KCNU1: variants seen among roughly 807,000 people sequenced by gnomAD.
KCNU1 encodes potassium calcium-activated channel subfamily U member 1, also known as potassium channel subfamily U member 1.
KCNU1 carries 93 observed loss-of-function variants against 126.8 expected under a neutral mutation model. The observed-to-expected ratio is 0.73, with a 90% CI of 0.62 to 0.87. The LOEUF is 0.87. Among genes scored for constraint, KCNU1 ranks in the 40% least tolerant of loss-of-function variants. The pLI is 0.00. For missense variants in KCNU1, 1,330 were observed against 1,367.1 expected, an observed-to-expected ratio of 0.97 and a Z score of 0.43; for synonymous variants, 523 against 494.2, an observed-to-expected ratio of 1.06 and a Z score of -0.77.
rs527433618 is a variant in KCNU1, at chr8:36,921,499, T to G, written c.2597-991T>G. 1.4e-4 allele frequency among the ~76,000 whole-genome samples: 22 copies of G among 151,874 alleles called. No individual in the cohort carries two copies. The South Asian group carries it at 4.6e-3, about 32-fold the overall frequency. ...TTTGAGACCAGCCTGGCCAACATGG[T>G]GAAGCCCTATCTCTACTAAAAATAC... On this transcript the variant is annotated intron_variant, in intron 23 of 26. Transcript: ENST00000399881.
intron 10 of KCNU1, among the ~76,000 whole-genome samples, chr8:36,832,435 T>A (rs1804587920): frequency 6.6e-6 from 1 of 152,196 alleles, no homozygotes; most frequent in Non-Finnish European, 1.5e-5. Context: ...TTAGGCTTTT[T>A]ATTTTTTCTA....
chr8:36,856,190 G>A (rs1805522503), intron 18 of KCNU1, among the ~76,000 whole-genome samples: 1 of 152,016 alleles, frequency 6.6e-6, no homozygotes, highest in South Asian at 2.1e-4. Flanking sequence ...TCTTTAATCA[G>A]GATTTCCTTC....
intron 19 of KCNU1, among the ~76,000 whole-genome samples, chr8:36,893,959 G>A (rs943672828): frequency 2.6e-5 from 4 of 152,072 alleles, no homozygotes; most frequent in South Asian, 2.1e-4. Context: ...TTGCAGCAAC[G>A]CCTTCCTTCA....
intron 20 of KCNU1, among the ~76,000 whole-genome samples, chr8:36,906,247 G>T (rs1027047362): frequency 6.8e-6 from 1 of 147,740 alleles, no homozygotes; most frequent in Admixed American, 6.8e-5. Flanking sequence ...GGATTTTTCT[G>T]TAGTGGTTTT....
At chr8:36,835,914 T>G (rs1301889295) in intron 12 of KCNU1, among the ~76,000 whole-genome samples, 1 of 152,236 alleles carries the variant, frequency 6.6e-6, no homozygotes, top group Non-Finnish European at 1.5e-5. Context: ...ATGGGGAAGT[T>G]GAATTAGACA....
chr8:36,875,342 A>G (rs1012448421), intron 19 of KCNU1, among the ~76,000 whole-genome samples: 1 of 149,796 alleles, frequency 6.7e-6, no homozygotes, highest in Admixed American at 6.7e-5. Context: ...ACATACCAAT[A>G]CATACATACA....
rs139937005 is a variant in KCNU1 at position 36,842,637 on chromosome 8, C to T, written c.1703+1634C>T. On this transcript the variant is annotated intron_variant, in intron 16 of 26. Transcript: ENST00000399881. Reference sequence around the variant, plus strand: ...TAGTAACAAGTTTGTCTTTCAATCACCTGGCTTATATGTCAGAATTATTTG... The same window carrying T: ...TAGTAACAAGTTTGTCTTTCAATCATCTGGCTTATATGTCAGAATTATTTG... 5.2e-3 allele frequency among the ~76,000 whole-genome samples: 794 copies of T among 152,254 alleles called. 10 individuals are homozygous for T. The highest frequency in any genetic ancestry group is 0.018 in the African/African-American group (764 of 41,564).
chr8:36,850,639 T>A (rs891213943), intron 18 of KCNU1, among the ~76,000 whole-genome samples: 3 of 152,128 alleles, frequency 2.0e-5, no homozygotes, highest in Non-Finnish European at 4.4e-5. Flanking sequence ...GCATTTTTTG[T>A]AAAGATAGGG....
intron 1 of KCNU1, among the ~76,000 whole-genome samples, chr8:36,786,916 A>T (rs944728652): frequency 2.6e-5 from 4 of 152,204 alleles, no homozygotes; most frequent in African/African-American, 9.6e-5. Context: ...CAGCTAAAAA[A>T]TCAATTTGTA....
chr8:36,791,290 T>C (rs533068198), intron 2 of KCNU1, among the ~76,000 whole-genome samples: 2 of 152,304 alleles, frequency 1.3e-5, no homozygotes, highest in South Asian at 4.1e-4. Context: ...AATTATCTTA[T>C]TTCTTTTTGA....
At chr8:36,912,415 T>A (rs552474958) in intron 22 of KCNU1, among the ~76,000 whole-genome samples, 1 of 152,232 alleles carries the variant, frequency 6.6e-6, no homozygotes, top group South Asian at 2.1e-4. Flanking sequence ...GGTTTCAGGG[T>A]GTTTTCCAAA....
Position 36,806,284 on chromosome 8 carries a change from G to A in KCNU1, c.484G>A (p.Asp162Asn). 6.2e-7 allele frequency: 1 copy of A among 1,608,366 alleles called. No individual in the cohort carries two copies. Among genetic ancestry groups the A allele is most frequent in the Non-Finnish European group, 8.5e-7 (1 of 1,176,924 alleles). The change falls in exon 5 of 27, where the codon GAC (aspartate) becomes AAC (asparagine). Residue 162 changes from aspartate (D) to asparagine (N), a missense_variant. Asp to Asn is a conservative substitution (Grantham distance 23, BLOSUM62 1). Coordinates refer to ENST00000399881, the MANE Select transcript of KCNU1 (RefSeq NM_001031836.3). ...TATTTCATAGTTTATGGCAGCTGATGACAAGATCAAGTTCTGGCTGGAGAT... is the reference window on the plus strand; with the variant it reads ...TATTTCATAGTTTATGGCAGCTGATAACAAGATCAAGTTCTGGCTGGAGAT... ...YFGLRFMAAD[D>N]KIKFWLEMNS... is the part of the protein sequence containing the mutation.
intron 5 of KCNU1, 68 bp downstream of exon 5, chr8:36,806,448 G>C (rs1803506699): frequency 5.0e-6 from 4 of 794,332 alleles, no homozygotes; most frequent in Non-Finnish European, 8.1e-6. Context: ...TCATTTGTAA[G>C]TATCTATTTT....
intron 18 of KCNU1, among the ~76,000 whole-genome samples, chr8:36,853,237 C>T (rs1805414957): frequency 2.0e-5 from 3 of 152,150 alleles, no homozygotes; most frequent in Admixed American, 2.0e-4. Flanking sequence ...GTAGTCCCGG[C>T]TACTCGGGAG....
intron 18 of KCNU1, among the ~76,000 whole-genome samples, chr8:36,854,891 T>G (rs1378335496): frequency 6.6e-6 from 1 of 152,210 alleles, no homozygotes; most frequent in African/African-American, 2.4e-5. Context: ...AGTCTATCTC[T>G]CTGTCATTTG....
chr8:36,905,206 A>G (rs1455630755), intron 19 of KCNU1, among the ~76,000 whole-genome samples: 1 of 152,136 alleles, frequency 6.6e-6, no homozygotes, highest in Non-Finnish European at 1.5e-5. Context: ...GAAAGCTTTA[A>G]AGAATGCAAA....
chr8:36,909,344 A>G lies in KCNU1; in HGVS notation c.2140A>G (p.Asn714Asp), dbSNP rs1807770300. ...RTGKSKYKFR[N>D]HIVACVFGDA... ...TGGCAAGTCAAAGTATAAGTTTCGG[A>G]ACCATATTGTAGCATGTGTATTTGG... Residue 714 changes from asparagine (N) to aspartate (D), a missense_variant, in exon 21 of 27, where the codon AAC becomes GAC. This residue lies in a region of KCNU1 where 1,054 missense variants were observed against 1,053.9 expected (regional missense o/e 1.00). Coordinates refer to ENST00000399881, the MANE Select transcript of KCNU1 (RefSeq NM_001031836.3). 1 of 1,613,650 alleles carries G rather than the reference A, an allele frequency of 6.2e-7. No individual in the cohort carries two copies. Among genetic ancestry groups the G allele is most frequent in the South Asian group, 1.1e-5 (1 of 91,066 alleles).
At chr8:36,929,106 A>G (rs1478986268) in intron 24 of KCNU1, 3 of 662,844 alleles carry the variant, frequency 4.5e-6, no homozygotes. Flanking sequence ...AATCAGCCAG[A>G]CACAGTGGCT....
At chr8:36,929,481 A>G (rs374585347) in intron 24 of KCNU1, among the ~76,000 whole-genome samples, 31 of 152,012 alleles carry the variant, frequency 2.0e-4, no homozygotes, top group Non-Finnish European at 4.3e-4. Context: ...ACAGTCCAAG[A>G]TTCAAACTCA....
Sources: gnomAD v4.1 joint callset for allele counts (sites outside exome capture counted in the v4.1 genomes callset) on GRCh38, gnomAD v4.1.1 for gene constraint, gnomAD v4.1.1 regional missense constraint, MANE v1.5 for transcripts, NCBI Gene and HGNC (gene_info 2026-07-23, HGNC 2026-07-21) for gene names.